Variants in UTRN observed in about 807,000 individuals in gnomAD.
UTRN encodes the protein utrophin.
In UTRN, 283 loss-of-function variants were observed where a neutral mutation model predicts 463.9. The ratio of observed to expected loss-of-function variants is 0.61; its 90% CI spans 0.55 to 0.67. The LOEUF is 0.67. UTRN is among the 30% of genes least tolerant of loss of function. UTRN has a pLI of 0.00. For synonymous variants in UTRN, 1,442 were observed against 1,431.5 expected (o/e 1.01, Z -0.17); for missense variants, 3,922 against 4,084.3 (o/e 0.96, Z 1.08).
At position 144,436,130 on chromosome 6, in the gene UTRN, A is replaced by T. The variant is rs150684617; in HGVS notation, c.1051A>T (p.Thr351Ser). ...TGAAGAAGTCAAAGACCAGTTTGCA[A>T]CCCATGAAGTAAATATCTGTAGTTT... ...DVEEVKDQFA[T>S]HEAFMMELTA... is the part of the protein sequence containing the mutation. Residue 351 changes from threonine (T) to serine (S), a missense_variant, in exon 10 of 75, where the codon ACC becomes TCC. Thr to Ser is a moderately conservative substitution (Grantham distance 58, BLOSUM62 1). Around this residue, in one of 3 missense-constraint regions of UTRN, gnomAD observed 2,349 missense variants for 2,303.8 expected, o/e 1.02. Coordinates refer to ENST00000367545, the MANE Select transcript of UTRN (RefSeq NM_007124.3). 46 of 1,613,344 alleles carry T rather than the reference A, an allele frequency of 2.9e-5. No individual in the cohort carries two copies. Among genetic ancestry groups the T allele is most frequent in the Non-Finnish European group, 3.8e-5 (45 of 1,179,910 alleles).
At chr6:144,579,753 T>G (rs1801779282) in intron 51 of UTRN, among the ~76,000 whole-genome samples, 1 of 152,198 alleles carries the variant, frequency 6.6e-6, no homozygotes, top group African/African-American at 2.4e-5. Context: ...CATTATTACT[T>G]TAGTGTTGCT....
intron 70 of UTRN, 65 bp from the exon 71 acceptor site, chr6:144,836,236 A>G: frequency 6.2e-7 from 1 of 1,601,822 alleles, no homozygotes; most frequent in Non-Finnish European, 8.5e-7. Context: ...TGAACCTCAC[A>G]GACGATTTTG....
chr6:144,492,671 G>A (rs1220994683), intron 32 of UTRN, among the ~76,000 whole-genome samples: 3 of 152,190 alleles, frequency 2.0e-5, no homozygotes, highest in Admixed American at 2.0e-4. Context: ...CTGCAGCCTT[G>A]CCAGCATCTG....
intron 54 of UTRN, among the ~76,000 whole-genome samples, chr6:144,732,243 T>C (rs12662006): frequency 0.2 from 19,757 of 100,306 alleles, 2,217 homozygotes; most frequent in East Asian, 0.65. Flanking sequence ...TATATACATA[T>C]ATATATATAT....
intron 50 of UTRN, among the ~76,000 whole-genome samples, chr6:144,569,924 T>C (rs11155358): frequency 0.024 from 3,615 of 152,062 alleles, 94 homozygotes; most frequent in African/African-American, 0.065. Context: ...CCTCTAGAAG[T>C]TGGAAAAGAA....
intron 34 of UTRN, among the ~76,000 whole-genome samples, chr6:144,504,509 C>A (rs917903021): frequency 6.6e-6 from 1 of 152,120 alleles, no homozygotes; most frequent in Non-Finnish European, 1.5e-5. Flanking sequence ...TGGTTTGTGT[C>A]ATTGGTTCTG....
At chr6:144,391,466 G>T (rs981174378) in intron 2 of UTRN, among the ~76,000 whole-genome samples, 19 of 151,832 alleles carry the variant, frequency 1.3e-4, no homozygotes, top group Admixed American at 2.0e-4. Context: ...GCTTTTTTTT[G>T]ATTGGTAATG....
chr6:144,671,378 GTA>G (rs1781009745), intron 51 of UTRN, among the ~76,000 whole-genome samples: 2 of 151,816 alleles, frequency 1.3e-5, no homozygotes, highest in African/African-American at 4.8e-5. Context: ...ATAATCCTAA[GTA>G]TTTTATTTTT....
intron 1 of UTRN, among the ~76,000 whole-genome samples, chr6:144,288,600 A>G (rs987132509): frequency 2.0e-5 from 3 of 150,558 alleles, no homozygotes; most frequent in African/African-American, 7.5e-5. Context: ...CAAATCCTTT[A>G]TAGTTATGTA....
intron 2 of UTRN, among the ~76,000 whole-genome samples, chr6:144,336,667 G>A (rs1472330057): frequency 6.6e-6 from 1 of 151,800 alleles, no homozygotes; most frequent in Non-Finnish European, 1.5e-5. Context: ...GTTGCCACCT[G>A]ATTTATAAAA....
At chr6:144,649,392 TA>T (rs1206996543) in intron 51 of UTRN, among the ~76,000 whole-genome samples, 1 of 152,228 alleles carries the variant, frequency 6.6e-6, no homozygotes, top group East Asian at 1.9e-4. Flanking sequence ...TGTATGTGAC[TA>T]TTTAAATTTA....
At chr6:144,668,462 A>G (rs1780653429) in intron 51 of UTRN, among the ~76,000 whole-genome samples, 1 of 152,208 alleles carries the variant, frequency 6.6e-6, no homozygotes, top group African/African-American at 2.4e-5. Flanking sequence ...GAAACTTACA[A>G]TGAGTGAGGC....
At chr6:144,367,666 G>C (rs897116844) in intron 2 of UTRN, among the ~76,000 whole-genome samples, 1 of 152,226 alleles carries the variant, frequency 6.6e-6, no homozygotes, top group East Asian at 1.9e-4. Flanking sequence ...TAAATTCTAC[G>C]AGCTTTTATT....
intron 60 of UTRN, 41 bp from the exon 61 acceptor site, chr6:144,781,881 A>G (rs1026208269): frequency 6.1e-6 from 9 of 1,468,300 alleles, no homozygotes; most frequent in African/African-American, 1.4e-5. Flanking sequence ...AATGTAATGT[A>G]ATGTAATGAC....
chr6:144,510,990 T>A lies in UTRN; in HGVS notation c.4811T>A (p.Ile1604Asn), dbSNP rs150504156. The A allele has an allele frequency of 2.5e-6, 4 of 1,611,222 alleles. No homozygotes were observed. The African/African-American group carries it at 5.3e-5, about 22-fold the overall frequency. The change falls in exon 35 of 75, where the codon ATC becomes AAC. Residue 1604 changes from isoleucine (I) to asparagine (N), a missense_variant. Ile to Asn is a moderately radical substitution (Grantham distance 149, BLOSUM62 -3). Transcript: ENST00000367545. ...LEKRKADLNT[I>N]TESSAALQNL... ...AAGAGAAAAGCTGATTTAAATACCA[T>A]CACAGAGAGTAGTGCTGCCCTGCAA...
chr6:144,491,799 G>T (rs1793098283), intron 32 of UTRN, among the ~76,000 whole-genome samples: 1 of 152,064 alleles, frequency 6.6e-6, no homozygotes, highest in Non-Finnish European at 1.5e-5. Context: ...TGACATAATG[G>T]TAATCAGAGA....
At chr6:144,569,946 T>G (rs1370437152) in intron 50 of UTRN, among the ~76,000 whole-genome samples, 1 of 152,160 alleles carries the variant, frequency 6.6e-6, no homozygotes, top group Non-Finnish European at 1.5e-5. Flanking sequence ...AGGAACCAGA[T>G]TCACCCCTAG....
At chr6:144,441,558 G>T (rs1412327144) in intron 13 of UTRN, among the ~76,000 whole-genome samples, 1 of 152,214 alleles carries the variant, frequency 6.6e-6, no homozygotes. Flanking sequence ...GCTTTCATGG[G>T]TCAGTGTTGA....
At chr6:144,396,548 A>T (rs1348859619) in intron 2 of UTRN, among the ~76,000 whole-genome samples, 4 of 152,126 alleles carry the variant, frequency 2.6e-5, no homozygotes, top group East Asian at 1.9e-4. Flanking sequence ...TACCACAATT[A>T]AAAAAAATCT....
Sources: allele counts gnomAD v4.1 joint callset (sites outside exome capture counted in the v4.1 genomes callset), GRCh38; gene constraint gnomAD v4.1.1; regional missense constraint gnomAD v4.1.1; transcripts MANE v1.5; gene names NCBI Gene and HGNC (gene_info 2026-07-23, HGNC 2026-07-21).